The following EVI5 variants were observed in gnomAD, a reference collection of about 807,000 sequenced individuals.
The protein encoded by EVI5 is ecotropic viral integration site 5 protein homolog.
A neutral mutation model predicts 112.0 loss-of-function variants in EVI5; 73 were observed. The ratio of observed to expected loss-of-function variants is 0.65; its 90% CI spans 0.54 to 0.79. The LOEUF is 0.79. Ranked by LOEUF, EVI5 falls within the 30% of genes least tolerant of loss-of-function variation. The probability of loss-of-function intolerance (pLI) is 0.00; values close to 1 mark genes in which losing one functional copy is unlikely to be tolerated. For synonymous variants in EVI5, 305 were observed against 319.9 expected (o/e 0.95, Z 0.50); for missense variants, 900 against 968.8 (o/e 0.93, Z 0.94).
chr1:92,561,660 T>TCTATCTATCTAA lies in EVI5; in HGVS notation c.2166+1981_2166+1982insTTAGATAGATAG, dbSNP rs1553182549. ...ATCTATCTATCTATCTATCTATCTA[T>TCTATCTATCTAA]CTATCAGAGTCTCACTCTGCTGCCT... On this transcript the variant is annotated intron_variant, in intron 19 of 19. Transcript: ENST00000684568. Among the ~76,000 whole-genome samples the TCTATCTATCTAA allele has an allele frequency of 2.4e-5, 3 of 124,894 alleles. No homozygotes were observed. The Admixed American group carries it at 2.4e-4, about 10-fold the overall frequency. 81.9% of individuals were successfully genotyped at this position (124,894 alleles called of 152,430 possible).
At chr1:92,748,565 A>G (rs1679675022) in intron 1 of EVI5, among the ~76,000 whole-genome samples, 1 of 152,256 alleles carries the variant, frequency 6.6e-6, no homozygotes, top group Non-Finnish European at 1.5e-5. Flanking sequence ...AACTGGAACA[A>G]TATCACATTA....
intron 18 of EVI5, among the ~76,000 whole-genome samples, chr1:92,567,451 G>A (rs1367985665): frequency 6.6e-6 from 1 of 152,156 alleles, no homozygotes; most frequent in Admixed American, 6.5e-5. Context: ...ATGGTACCAT[G>A]CTCTATACAG....
chr1:92,665,980 C>A lies in EVI5; in HGVS notation c.1171G>T (p.Glu391Ter), dbSNP rs1664818328. 1 of 1,604,390 alleles carries A rather than the reference C, an allele frequency of 6.2e-7. No homozygotes were observed. The highest frequency in any genetic ancestry group is 1.1e-5 in the South Asian group (1 of 88,974). The change falls in exon 11 of 20, where the codon GAA becomes TAA. Residue 391 changes from glutamate to a stop codon, truncating the protein, a stop_gained. Transcript: ENST00000684568. LOFTEE classifies it high-confidence loss of function. ...EQVEIKRLRT[E>*]NRLLKQRIET... Reference sequence around the variant, plus strand: ...ATGCGCTGTTTTAAAAGTCTATTTTCTGTGCGTAACCTCTGCCAAGAAAAA... The same window carrying A: ...ATGCGCTGTTTTAAAAGTCTATTTTATGTGCGTAACCTCTGCCAAGAAAAA...
intron 2 of EVI5, among the ~76,000 whole-genome samples, chr1:92,712,690 G>T (rs912346747): frequency 2.4e-4 from 36 of 151,872 alleles, no homozygotes; most frequent in African/African-American, 8.0e-4. Context: ...AAAAATACAA[G>T]AATTTTTAAA....
chr1:92,585,964 G>A (rs898483607), intron 18 of EVI5, among the ~76,000 whole-genome samples: 1 of 151,094 alleles, frequency 6.6e-6, no homozygotes, highest in Non-Finnish European at 1.5e-5. Context: ...GCTTGTTTTT[G>A]ATGATCTTGT....
chr1:92,590,161 C>G (rs181072701), intron 18 of EVI5, among the ~76,000 whole-genome samples: 40 of 152,212 alleles, frequency 2.6e-4, no homozygotes, highest in East Asian at 1.9e-3. Context: ...CACAAAGATG[C>G]GGAAAAAACA....
At chr1:92,754,446 T>G (rs1203668909) in intron 1 of EVI5, among the ~76,000 whole-genome samples, 1 of 152,168 alleles carries the variant, frequency 6.6e-6, no homozygotes, top group African/African-American at 2.4e-5. Flanking sequence ...CATTAAATAT[T>G]TATTATCTCC....
chr1:92,678,912 T>C (rs1025124654), intron 9 of EVI5, among the ~76,000 whole-genome samples: 2 of 152,188 alleles, frequency 1.3e-5, no homozygotes, highest in Admixed American at 1.3e-4. Context: ...GAAACTTCTG[T>C]ATAGTCACAG....
At chr1:92,733,154 C>A in intron 2 of EVI5, 1 of 226,712 alleles carries the variant, frequency 4.4e-6, no homozygotes, top group South Asian at 7.8e-5. Flanking sequence ...CTTTGGAAAC[C>A]TGGATTGCTA....
Position 92,624,168 on chromosome 1 carries a change from C to T in EVI5, c.1827+8G>A. On this transcript the variant is annotated splice_region_variant and intron_variant, in intron 16 of 19. Transcript: ENST00000684568. ...ACTTTTTAAAGATACTGGGCTTTCC[C>T]ATCATACCTGTGTTTCCATTTCCAT... The T allele has an allele frequency of 6.2e-7, 1 of 1,610,922 alleles. No individual in the cohort carries two copies. The highest frequency in any genetic ancestry group is 8.5e-7 in the Non-Finnish European group (1 of 1,177,502).
chr1:92,721,354 A>G (rs375184192), intron 2 of EVI5, among the ~76,000 whole-genome samples: 1 of 152,242 alleles, frequency 6.6e-6, no homozygotes, highest in Non-Finnish European at 1.5e-5. Context: ...GCCATAAAAA[A>G]GGATGAGTTC....
intron 13 of EVI5, among the ~76,000 whole-genome samples, chr1:92,637,154 G>C (rs1659032333): frequency 6.6e-6 from 1 of 152,142 alleles, no homozygotes; most frequent in African/African-American, 2.4e-5. Context: ...GAGGCGGGTG[G>C]ATCACTTGAG....
At chr1:92,557,669 G>A (rs917309884) in intron 19 of EVI5, among the ~76,000 whole-genome samples, 1 of 151,712 alleles carries the variant, frequency 6.6e-6, no homozygotes, top group South Asian at 2.1e-4. Context: ...CTCCTTTCAA[G>A]TTCTTTCTTA....
rs569611477 is a variant in EVI5, at chr1:92,612,667, G to A, written c.1828-4940C>T. Reference sequence around the variant, plus strand: ...GGAGGTTGCAGTGAGCTGAGATCGCGCCACTGCACTCCAGCCTGGGTGACA... The same window carrying A: ...GGAGGTTGCAGTGAGCTGAGATCGCACCACTGCACTCCAGCCTGGGTGACA... On this transcript the variant is annotated intron_variant, in intron 16 of 19. Coordinates refer to ENST00000684568, the MANE Select transcript of EVI5 (RefSeq NM_001350197.2). Among the ~76,000 whole-genome samples the A allele has an allele frequency of 3.7e-4, 47 of 126,006 alleles. No individual in the cohort carries two copies. The South Asian group carries it at 4.4e-3, about 12-fold the overall frequency. 82.7% of individuals were successfully genotyped at this position (126,006 alleles called of 152,430 possible).
At chr1:92,645,066 C>T (rs986555623) in intron 13 of EVI5, among the ~76,000 whole-genome samples, 4 of 152,202 alleles carry the variant, frequency 2.6e-5, no homozygotes, top group Admixed American at 2.0e-4. Flanking sequence ...TACCTACTTG[C>T]TTCATCAATT....
chr1:92,652,951 G>A (rs1662384135), intron 13 of EVI5, among the ~76,000 whole-genome samples: 1 of 152,128 alleles, frequency 6.6e-6, no homozygotes, highest in African/African-American at 2.4e-5. Flanking sequence ...GAGTGTTTGG[G>A]CTCCTCTTTA....
chr1:92,534,875 T>C (rs563672102), intron 19 of EVI5, among the ~76,000 whole-genome samples: 2 of 152,310 alleles, frequency 1.3e-5, no homozygotes, highest in South Asian at 4.1e-4. Context: ...AAAGACTTCA[T>C]GATTAAAACA....
intron 14 of EVI5, among the ~76,000 whole-genome samples, chr1:92,629,292 A>T (rs1656360446): frequency 6.6e-6 from 1 of 152,214 alleles, no homozygotes; most frequent in South Asian, 2.1e-4. Flanking sequence ...TGTTTCATTA[A>T]GAAAATAGTT....
intron 19 of EVI5, among the ~76,000 whole-genome samples, chr1:92,549,839 T>A (rs1298767756): frequency 2.0e-5 from 3 of 152,078 alleles, no homozygotes; most frequent in Non-Finnish European, 4.4e-5. Context: ...CATTAAAAAG[T>A]CAGGAAACAA....
Sources: allele counts gnomAD v4.1 joint callset (sites outside exome capture counted in the v4.1 genomes callset), GRCh38; gene constraint gnomAD v4.1.1; transcripts MANE v1.5; gene names NCBI Gene and HGNC (gene_info 2026-07-23, HGNC 2026-07-21).